The following DCTN4 variants were observed in gnomAD, a reference collection of about 807,000 sequenced individuals.
The protein encoded by DCTN4 is dynactin 4 (p62).
In DCTN4, 23 loss-of-function variants were observed where a neutral mutation model predicts 62.7. That is an observed-to-expected ratio of 0.37 (90% CI 0.26 to 0.52). The LOEUF (loss-of-function observed/expected upper bound fraction) is 0.52. DCTN4 is among the 20% of genes least tolerant of loss of function. The pLI is 0.92. For missense variants in DCTN4, 514 were observed against 580.4 expected (o/e 0.89, Z 1.18); for synonymous variants, 199 against 202.1 (o/e 0.98, Z 0.13).
chr5:150,725,784 C>T (rs76499079), intron 8 of DCTN4, among the ~76,000 whole-genome samples: 3,197 of 152,226 alleles, frequency 0.021, 124 homozygotes, highest in African/African-American at 0.072. Flanking sequence ...ATAGGGACTC[C>T]AATGGCAGCA....
Position 150,738,189 on chromosome 5 carries a change from T to G in DCTN4, c.429+3925A>C, listed in dbSNP as rs548963714. Among the ~76,000 whole-genome samples the G allele has an allele frequency of 3.3e-5, 5 of 152,198 alleles. No homozygotes were observed. The East Asian group carries it at 5.8e-4, about 18-fold the overall frequency. On this transcript the variant is annotated intron_variant, in intron 4 of 12. Coordinates refer to ENST00000447998, the MANE Select transcript of DCTN4 (RefSeq NM_016221.4). ...ATTCACAGCTGATTTCTATCAGACA[T>G]TCAAAGAATAATTTTTATGAATCCT...
At position 150,727,789 on chromosome 5, in the gene DCTN4, A is replaced by C. The variant is rs900496670; in HGVS notation, c.834+2842T>G. Among the ~76,000 whole-genome samples the C allele has an allele frequency of 3.8e-4, 58 of 150,778 alleles. 1 individual carries two copies. The highest frequency in any genetic ancestry group is 9.9e-4 in the Admixed American group (15 of 15,190). On this transcript the variant is annotated intron_variant, in intron 8 of 12. Coordinates refer to ENST00000447998, the MANE Select transcript of DCTN4 (RefSeq NM_016221.4). ...AGACTCCGTCTCAAAAAAAAAAAAA[A>C]AAAAAAAACAAAAAACCCAATAAGC...
Position 150,719,740 on chromosome 5 carries a change from T to C in DCTN4, c.939A>G (p.Ser313=), listed in dbSNP as rs759871795. 2.5e-6 allele frequency: 4 copies of C among 1,611,264 alleles called. No homozygotes were observed. The Admixed American group carries it at 6.7e-5, about 27-fold the overall frequency. ...VNYIPEVRIM[S]IPNLRYMKES... Reference sequence around the variant, plus strand: ...CCTTCATGTAGCGAAGGTTGGGAATTGACATGATTCTCACTTCTGGAATAT... The same window carrying C: ...CCTTCATGTAGCGAAGGTTGGGAATCGACATGATTCTCACTTCTGGAATAT... The change falls in exon 10 of 13, where the codon TCA becomes TCG. Residue 313 remains serine, a synonymous_variant. Transcript: ENST00000447998.
At chr5:150,742,476 T>C (rs896586712) in intron 3 of DCTN4, among the ~76,000 whole-genome samples, 12 of 152,196 alleles carry the variant, frequency 7.9e-5, no homozygotes, top group Admixed American at 6.5e-4. Flanking sequence ...GGCTCAGAGA[T>C]GTTAAATAAC....
rs181604201 is a variant in DCTN4 at position 150,736,746 on chromosome 5, A to G, written c.430-3271T>C. Among the ~76,000 whole-genome samples, 6 of 152,354 alleles carry G rather than the reference A, an allele frequency of 3.9e-5. No homozygotes were observed. In the East Asian group the frequency reaches 9.6e-4, roughly 24 times the overall value. On this transcript the variant is annotated intron_variant, in intron 4 of 12. Transcript: ENST00000447998. The stretch of plus-strand genomic sequence containing the variant: ...TCAGGCAACAACTAGCACAATGAAT[A>G]GAATAGTACCTCACATCTCAATACT...
At chr5:150,720,603 C>G (rs1268447513) in intron 9 of DCTN4, among the ~76,000 whole-genome samples, 1 of 152,038 alleles carries the variant, frequency 6.6e-6, no homozygotes, top group African/African-American at 2.4e-5. Flanking sequence ...CTCAGCCTCC[C>G]AAGTAGCTGG....
chr5:150,733,259 C>T, intron 5 of DCTN4, 109 bp downstream of exon 5: 1 of 668,606 alleles, frequency 1.5e-6, no homozygotes, highest in Non-Finnish European at 2.5e-6. Context: ...AAGAATCCCT[C>T]TCTCTGATAT....
chr5:150,758,082 G>A (rs1214896300), intron 1 of DCTN4: 1 of 984,988 alleles, frequency 1.0e-6, no homozygotes, highest in Non-Finnish European at 1.2e-6. Flanking sequence ...TAAGACTATG[G>A]CTTATTAAAC....
chr5:150,734,427 G>A lies in DCTN4; in HGVS notation c.430-952C>T, dbSNP rs539558931. The A allele has an allele frequency of 2.6e-4, 39 of 152,256 alleles. 1 individual carries two copies. Among genetic ancestry groups the A allele is most frequent in the African/African-American group, 9.1e-4 (38 of 41,538 alleles). The allele number at this position is 152,256 out of a possible 1,614,324, so 9.4% of individuals were successfully genotyped here. ...GTGCTGAAACAAAATTTAGAGAGCC[G>A]AGTGAAATATAAAAATAGAAGAAGC... On this transcript the variant is annotated intron_variant, in intron 4 of 12. Coordinates refer to ENST00000447998, the MANE Select transcript of DCTN4 (RefSeq NM_016221.4).
chr5:150,729,652 T>C lies in DCTN4; in HGVS notation c.834+979A>G, dbSNP rs139315231. Among the ~76,000 whole-genome samples the C allele has an allele frequency of 5.1e-3, 768 of 150,848 alleles. 3 individuals are homozygous for C. The highest frequency in any genetic ancestry group is 0.017 in the Middle Eastern group (5 of 292). ...AGAGACAGGGTCTTTCTGTGTTGCC[T>C]AGGCTGGAGTGCAGTGGCTATTCAC... is the stretch of plus-strand genomic sequence containing the variant. On this transcript the variant is annotated intron_variant, in intron 8 of 12. Transcript: ENST00000447998.
At chr5:150,717,950 A>C (rs1378306629) in intron 11 of DCTN4, among the ~76,000 whole-genome samples, 1 of 152,254 alleles carries the variant, frequency 6.6e-6, no homozygotes. Context: ...AGTCAAGAGC[A>C]ATGCTAAATG....
At chr5:150,746,031 T>C (rs1339729864) in intron 3 of DCTN4, among the ~76,000 whole-genome samples, 1 of 149,984 alleles carries the variant, frequency 6.7e-6, no homozygotes, top group Non-Finnish European at 1.5e-5. Flanking sequence ...TCAACAAAAT[T>C]GATAGACCGC....
chr5:150,757,965 T>C (rs1752924282), intron 1 of DCTN4: 1 of 697,938 alleles, frequency 1.4e-6, no homozygotes, highest in African/African-American at 2.0e-5. Context: ...AAAAAATTTT[T>C]TAAAAAAAGT....
chr5:150,740,730 T>A (rs991809202), intron 4 of DCTN4, among the ~76,000 whole-genome samples: 1 of 152,134 alleles, frequency 6.6e-6, no homozygotes, highest in Non-Finnish European at 1.5e-5. Flanking sequence ...TAAAAACTAG[T>A]GAAATAATAG....
chr5:150,730,541 C>T, intron 8 of DCTN4, 90 bp downstream of exon 8: 1 of 1,130,130 alleles, frequency 8.8e-7, no homozygotes, highest in Non-Finnish European at 1.3e-6. Flanking sequence ...TTAATACATT[C>T]CAAAGGTTTT....
intron 8 of DCTN4, among the ~76,000 whole-genome samples, chr5:150,724,475 T>C (rs191443069): frequency 1.9e-3 from 294 of 152,346 alleles, no homozygotes; most frequent in African/African-American, 6.4e-3. Flanking sequence ...AATATGTAAC[T>C]TTACATTACA....
intron 3 of DCTN4, among the ~76,000 whole-genome samples, chr5:150,743,991 C>T (rs1030226775): frequency 1.8e-4 from 27 of 152,096 alleles, no homozygotes; most frequent in African/African-American, 4.6e-4. Flanking sequence ...CAAACTACTC[C>T]GAGCTACAGG....
intron 1 of DCTN4, chr5:150,758,008 G>A: frequency 2.2e-6 from 2 of 902,648 alleles, no homozygotes; most frequent in African/African-American, 1.8e-5. Flanking sequence ...ATTACATAAA[G>A]CACATGACAT....
chr5:150,734,299 G>T (rs894026384), intron 4 of DCTN4: 2 of 152,234 alleles, frequency 1.3e-5, no homozygotes, highest in African/African-American at 2.4e-5. Flanking sequence ...CAGAAAATCT[G>T]TGAGTGCCCA....
Sources: allele counts gnomAD v4.1 joint callset (sites outside exome capture counted in the v4.1 genomes callset), GRCh38; gene constraint gnomAD v4.1.1; transcripts MANE v1.5; gene names NCBI Gene and HGNC (gene_info 2026-07-23, HGNC 2026-07-21).